ORC5: variants seen among roughly 807,000 people sequenced by gnomAD.
ORC5 encodes origin recognition complex subunit 5.
Under a neutral mutation model 58.8 loss-of-function variants are expected in ORC5, and 39 were observed. The ratio of observed to expected loss-of-function variants is 0.66; its 90% CI spans 0.51 to 0.87. The LOEUF (loss-of-function observed/expected upper bound fraction) is 0.87. ORC5 is among the 40% of genes least tolerant of loss of function. The probability of loss-of-function intolerance (pLI) is 0.00; values close to 1 mark genes in which losing one functional copy is unlikely to be tolerated. For missense variants in ORC5, 493 were observed against 506.3 expected, an observed-to-expected ratio of 0.97 and a Z score of 0.25; for synonymous variants, 218 against 177.6, an observed-to-expected ratio of 1.23 and a Z score of -1.81.
At chr7:104,176,810 G>A (rs546220217) in intron 8 of ORC5, among the ~76,000 whole-genome samples, 44 of 152,188 alleles carry the variant, frequency 2.9e-4, no homozygotes, top group African/African-American at 8.7e-4. Flanking sequence ...CAGAATTGTC[G>A]GCATAAACTT....
At chr7:104,169,036 T>C (rs979909381) in intron 8 of ORC5, among the ~76,000 whole-genome samples, 2 of 152,144 alleles carry the variant, frequency 1.3e-5, no homozygotes, top group African/African-American at 4.8e-5. Context: ...GAGCTGAGAT[T>C]GTGCCACTGC....
At chr7:104,173,813 T>C (rs958510902) in intron 8 of ORC5, among the ~76,000 whole-genome samples, 1 of 151,986 alleles carries the variant, frequency 6.6e-6, no homozygotes, top group African/African-American at 2.4e-5. Flanking sequence ...TAGTATTTTG[T>C]TTAATCTGCA....
intron 3 of ORC5, among the ~76,000 whole-genome samples, 167 bp from the exon 4 acceptor site, chr7:104,197,966 T>G (rs567924174): frequency 6.6e-6 from 1 of 152,222 alleles, no homozygotes; most frequent in African/African-American, 2.4e-5. Context: ...ATAAGGGCTC[T>G]GTCCTCATGA....
intron 8 of ORC5, among the ~76,000 whole-genome samples, chr7:104,176,487 T>C (rs1002418710): frequency 2.6e-4 from 39 of 152,128 alleles, no homozygotes; most frequent in African/African-American, 8.9e-4. Context: ...CAGTTGGAAT[T>C]TGGTTTCTTA....
chr7:104,132,568 C>A (rs1798529526), intron 13 of ORC5, among the ~76,000 whole-genome samples: 1 of 152,098 alleles, frequency 6.6e-6, no homozygotes, highest in Non-Finnish European at 1.5e-5. Flanking sequence ...TCCCCAAAAA[C>A]AAATTCATAT....
At chr7:104,157,200 T>A (rs1213789565) in intron 12 of ORC5, among the ~76,000 whole-genome samples, 1 of 151,928 alleles carries the variant, frequency 6.6e-6, no homozygotes, top group Non-Finnish European at 1.5e-5. Flanking sequence ...ATGAGATTCT[T>A]GCCACATTTT....
intron 12 of ORC5, among the ~76,000 whole-genome samples, chr7:104,146,341 A>T (rs1397249197): frequency 6.6e-6 from 1 of 152,230 alleles, no homozygotes; most frequent in Non-Finnish European, 1.5e-5. Context: ...GCATGTTCAC[A>T]TAAAAACTAG....
chr7:104,206,358 T>C (rs1402291776), intron 1 of ORC5, among the ~76,000 whole-genome samples: 3 of 152,216 alleles, frequency 2.0e-5, no homozygotes, highest in Non-Finnish European at 2.9e-5. Flanking sequence ...TATTAAAATA[T>C]TGTTAAACAT....
intron 12 of ORC5, among the ~76,000 whole-genome samples, chr7:104,152,267 C>T (rs1002958461): frequency 6.6e-6 from 1 of 152,116 alleles, no homozygotes; most frequent in Non-Finnish European, 1.5e-5. Flanking sequence ...CCCACCTCAG[C>T]CTTCAGAGTG....
rs1388318347 is a variant in ORC5, at chr7:104,138,318, T to A, written c.1150-1425A>T. Among the ~76,000 whole-genome samples the A allele has an allele frequency of 6.6e-6, 1 of 152,198 alleles. No homozygotes were observed. Among genetic ancestry groups the A allele is most frequent in the African/African-American group, 2.4e-5 (1 of 41,462 alleles). On this transcript the variant is annotated intron_variant, in intron 12 of 13. Transcript: ENST00000297431. This position sits in a 1 kb window ranked among gnomAD's most constrained non-coding sequence, Gnocchi z 4.7. ...CTTTAAAAGCTGCAAATAAAGCACATTCCTCCTCTAAAAATTTTACAGAAT... is the reference window on the plus strand; with the variant it reads ...CTTTAAAAGCTGCAAATAAAGCACAATCCTCCTCTAAAAATTTTACAGAAT...
intron 8 of ORC5, among the ~76,000 whole-genome samples, chr7:104,173,838 A>ATTTTTTTT (rs746698932): frequency 4.9e-5 from 6 of 122,750 alleles, no homozygotes; most frequent in Non-Finnish European, 8.8e-5. Flanking sequence ...TGGGTTTAAA[A>ATTTTTTTT]TTTTTTCTTT....
At chr7:104,153,082 A>C (rs963928542) in intron 12 of ORC5, among the ~76,000 whole-genome samples, 7 of 152,214 alleles carry the variant, frequency 4.6e-5, no homozygotes, top group African/African-American at 1.7e-4. Flanking sequence ...ACAATCTTTT[A>C]TCCCTGCGCA....
intron 2 of ORC5, among the ~76,000 whole-genome samples, chr7:104,203,235 G>A (rs184147071): frequency 7.3e-4 from 111 of 152,302 alleles, no homozygotes; most frequent in African/African-American, 2.4e-3. Flanking sequence ...AGAGGAGGAC[G>A]GGGTTAGCAA....
intron 13 of ORC5, among the ~76,000 whole-genome samples, chr7:104,131,811 C>T (rs562551168): frequency 1.0e-3 from 156 of 150,476 alleles, no homozygotes; most frequent in African/African-American, 3.7e-3. Context: ...GAGATCGTGC[C>T]ACTGCACTCC....
At chr7:104,132,454 G>A (rs911166145) in intron 13 of ORC5, among the ~76,000 whole-genome samples, 2 of 152,124 alleles carry the variant, frequency 1.3e-5, no homozygotes, top group African/African-American at 4.8e-5. Context: ...ACAGGTGTCT[G>A]GAATGAGGCC....
In ORC5 at chr7:104,138,800, C is replaced by T. The variant is rs1024494443; in HGVS notation, c.1150-1907G>A. On this transcript the variant is annotated intron_variant, in intron 12 of 13. Coordinates refer to ENST00000297431, the MANE Select transcript of ORC5 (RefSeq NM_002553.4). The surrounding 1 kb of genome is among the most constrained non-coding windows in gnomAD (Gnocchi z 4.7). ...TGTTGGGATTAGAGGCGTGAGCCCC[C>T]GCACCCAACCATTGCTTTAAAACTT... 6.6e-6 allele frequency among the ~76,000 whole-genome samples: 1 copy of T among 152,152 alleles called. No individual in the cohort carries two copies. Among genetic ancestry groups the T allele is most frequent in the African/African-American group, 2.4e-5 (1 of 41,430 alleles).
intron 12 of ORC5, among the ~76,000 whole-genome samples, chr7:104,145,687 A>G (rs568412266): frequency 6.6e-6 from 1 of 152,158 alleles, no homozygotes; most frequent in East Asian, 1.9e-4. Context: ...TGGAAATAAT[A>G]TAAGAGGCGA....
rs1293394631 is a variant in ORC5, at chr7:104,136,852, G to A, written c.1191C>T (p.Gly397=). 1.9e-6 allele frequency: 3 copies of A among 1,613,900 alleles called. No individual in the cohort carries two copies. Among genetic ancestry groups the A allele is most frequent in the East Asian group, 4.5e-5 (2 of 44,856 alleles). Residue 397 remains glycine, a synonymous_variant, in exon 13 of 14, where the codon GGC becomes GGT. Transcript: ENST00000297431. This position sits in a 1 kb window ranked among gnomAD's most constrained non-coding sequence, Gnocchi z 4.2. ...LVTLQLLTLV[G]HDDQLDGPKY... The stretch of plus-strand genomic sequence containing the variant: ...TTGGTCCATCAAGCTGATCGTCATG[G>A]CCAACCAGGGTTAACAGCTGAAGGG...
chr7:104,205,437 T>C (rs895175048), intron 1 of ORC5, among the ~76,000 whole-genome samples: 2 of 152,166 alleles, frequency 1.3e-5, no homozygotes, highest in Admixed American at 6.5e-5. Flanking sequence ...AATGGGATTA[T>C]GCAATTTCTA....
Sources: allele counts gnomAD v4.1 joint callset (sites outside exome capture counted in the v4.1 genomes callset), GRCh38; gene constraint gnomAD v4.1.1; non-coding constraint Gnocchi (gnomAD v3.1); transcripts MANE v1.5; gene names NCBI Gene and HGNC (gene_info 2026-07-23, HGNC 2026-07-21).